The following ZNF423 variants were observed in gnomAD, a reference collection of about 807,000 sequenced individuals.
ZNF423 encodes the protein Ebf-associated zinc finger protein.
Under a neutral mutation model 95.8 loss-of-function variants are expected in ZNF423, and 12 were observed. The ratio of observed to expected loss-of-function variants is 0.13; its 90% CI spans 0.08 to 0.20. ZNF423 has a LOEUF of 0.20. Among genes scored for constraint, ZNF423 ranks in the 10% least tolerant of loss-of-function variants. The pLI is 1.00. For synonymous variants in ZNF423, 749 were observed against 711.9 expected (o/e 1.05, Z -0.83); for missense variants, 1,316 against 1,737.1 (o/e 0.76, Z 4.31).
At chr16:49,692,193 G>A (rs577050409) in intron 3 of ZNF423, among the ~76,000 whole-genome samples, 7 of 152,138 alleles carry the variant, frequency 4.6e-5, no homozygotes, top group South Asian at 2.1e-4. Context: ...GGGTTCAAGC[G>A]ATCCTCCTGT....
intron 3 of ZNF423, among the ~76,000 whole-genome samples, chr16:49,639,928 G>A (rs927124855): frequency 1.3e-5 from 2 of 152,184 alleles, no homozygotes; most frequent in South Asian, 2.1e-4. Flanking sequence ...ATTCCCCGGC[G>A]GGGGCCGAGC....
chr16:49,514,015 C>A (rs536291453), intron 7 of ZNF423, among the ~76,000 whole-genome samples: 46 of 151,924 alleles, frequency 3.0e-4, no homozygotes, highest in African/African-American at 1.1e-3. Flanking sequence ...CCTGCTTGCC[C>A]CTCTAGTCCC....
intron 7 of ZNF423, among the ~76,000 whole-genome samples, chr16:49,499,606 A>G (rs1967307227): frequency 6.6e-6 from 1 of 152,182 alleles, no homozygotes; most frequent in Admixed American, 6.5e-5. Context: ...CGTGTTCTTG[A>G]GATGCTCTAT....
chr16:49,579,694 G>T (rs1478846668), intron 5 of ZNF423, among the ~76,000 whole-genome samples: 1 of 152,078 alleles, frequency 6.6e-6, no homozygotes, highest in East Asian at 1.9e-4. Context: ...AGGGAATCCA[G>T]CCAGCCCCTG....
intron 2 of ZNF423, among the ~76,000 whole-genome samples, chr16:49,788,258 C>A (rs1450996970): frequency 6.6e-6 from 1 of 152,190 alleles, no homozygotes; most frequent in African/African-American, 2.4e-5. Context: ...GCAGCATTAG[C>A]TCCTGCTGGA....
intron 1 of ZNF423, among the ~76,000 whole-genome samples, chr16:49,795,514 GGGAATCATCATCGCTCA>G (rs1243911633): frequency 1.3e-5 from 2 of 152,242 alleles, no homozygotes; most frequent in Admixed American, 6.5e-5. Context: ...CCCATGCAAT[GGGAATCATCATCGCTCA>G]TCAGAGATGG....
chr16:49,599,157 G>C (rs1485894314), intron 5 of ZNF423, among the ~76,000 whole-genome samples: 1 of 152,162 alleles, frequency 6.6e-6, no homozygotes, highest in African/African-American at 2.4e-5. Context: ...ATCGCTTACA[G>C]GTTGGAAGTA....
intron 3 of ZNF423, among the ~76,000 whole-genome samples, chr16:49,675,288 T>C (rs564474989): frequency 6.6e-6 from 1 of 152,306 alleles, no homozygotes; most frequent in African/African-American, 2.4e-5. Context: ...TGGTCAGTGC[T>C]GCATGGCTCA....
intron 3 of ZNF423, among the ~76,000 whole-genome samples, chr16:49,708,910 C>G (rs1424264670): frequency 6.6e-6 from 1 of 152,066 alleles, no homozygotes; most frequent in African/African-American, 2.4e-5. Context: ...GAACTAATAA[C>G]CCCATGAATG....
chr16:49,526,390 G>A (rs1968611720), intron 5 of ZNF423, among the ~76,000 whole-genome samples: 1 of 152,212 alleles, frequency 6.6e-6, no homozygotes, highest in Non-Finnish European at 1.5e-5. Flanking sequence ...GAGCCGCTGA[G>A]ACCCCAAACC....
intron 1 of ZNF423, among the ~76,000 whole-genome samples, chr16:49,797,753 G>A (rs1049313383): frequency 2.0e-5 from 3 of 152,206 alleles, no homozygotes; most frequent in African/African-American, 7.2e-5. Context: ...AAGAGAACAA[G>A]CTGTTTCAAC....
intron 4 of ZNF423, among the ~76,000 whole-genome samples, chr16:49,627,769 C>CCCAT (rs1972350306): frequency 6.8e-6 from 1 of 147,050 alleles, no homozygotes; most frequent in Non-Finnish European, 1.5e-5. Flanking sequence ...CACCCACCCA[C>CCCAT]CCATCCACCC....
chr16:49,747,047 G>T (rs1226213932), intron 2 of ZNF423, among the ~76,000 whole-genome samples: 1 of 152,222 alleles, frequency 6.6e-6, no homozygotes, highest in Non-Finnish European at 1.5e-5. Context: ...GACAGAGATC[G>T]GGGGAAAGAG....
intron 3 of ZNF423, among the ~76,000 whole-genome samples, chr16:49,647,592 G>T (rs895387823): frequency 1.3e-5 from 2 of 152,086 alleles, no homozygotes; most frequent in African/African-American, 4.8e-5. Context: ...AATATGAGAA[G>T]GACCCAACCA....
intron 1 of ZNF423, among the ~76,000 whole-genome samples, chr16:49,795,646 G>A (rs976649276): frequency 3.7e-4 from 56 of 152,184 alleles, no homozygotes; most frequent in Admixed American, 2.7e-3. Context: ...ACACTTCACC[G>A]GACAGGGCCT....
chr16:49,693,167 CG>C (rs1441903840), intron 3 of ZNF423, among the ~76,000 whole-genome samples: 1 of 152,216 alleles, frequency 6.6e-6, no homozygotes, highest in African/African-American at 2.4e-5. Context: ...CTTCTCCCTC[CG>C]GCTTCCCCTT....
At chr16:49,786,170 G>A (rs985152287) in intron 2 of ZNF423, among the ~76,000 whole-genome samples, 4 of 152,202 alleles carry the variant, frequency 2.6e-5, no homozygotes, top group Admixed American at 6.5e-5. Context: ...GCAGGATATT[G>A]CCATGAGCTG....
At chr16:49,614,161 A>G (rs1971805121) in intron 5 of ZNF423, among the ~76,000 whole-genome samples, 1 of 152,266 alleles carries the variant, frequency 6.6e-6, no homozygotes, top group Non-Finnish European at 1.5e-5. Context: ...ACATTTCATC[A>G]AAGAGGAATG....
intron 2 of ZNF423, among the ~76,000 whole-genome samples, chr16:49,757,658 T>C (rs2033751891): frequency 1.3e-5 from 2 of 152,138 alleles, no homozygotes; most frequent in South Asian, 4.1e-4. Flanking sequence ...CAAATCCCCC[T>C]TGGGTGGGGT....
Sources: allele counts gnomAD v4.1 joint callset (sites outside exome capture counted in the v4.1 genomes callset), GRCh38; gene constraint gnomAD v4.1.1; transcripts MANE v1.5; gene names NCBI Gene and HGNC (gene_info 2026-07-23, HGNC 2026-07-21).